The following PFAS variants were observed in gnomAD, a reference collection of about 807,000 sequenced individuals.
PFAS encodes FGAM synthase.
In PFAS, 97 loss-of-function variants were observed where a neutral mutation model predicts 140.6. The observed-to-expected ratio is 0.69, with a 90% CI of 0.59 to 0.82. The LOEUF is 0.82. PFAS is among the 40% of genes least tolerant of loss of function. PFAS has a pLI of 0.00. For synonymous variants in PFAS, 679 were observed against 718.8 expected (o/e 0.94, Z 0.88); for missense variants, 1,656 against 1,780.2 (o/e 0.93, Z 1.26).
In PFAS at chr17:8,266,670, G is replaced by A; in HGVS notation, c.2822-83G>A. On this transcript the variant is annotated intron_variant, in intron 22 of 27. Transcript: ENST00000314666. This position sits in a 1 kb window ranked among gnomAD's most constrained non-coding sequence, Gnocchi z 5.0. ...GCTGCATCCCTCTGACCCTCACCCT[G>A]GCCCTTCCTGCATTTCCCTGATCCC... 6.5e-7 allele frequency: 1 copy of A among 1,532,302 alleles called. No individual in the cohort carries two copies. The allele number at this position is 1,532,302 out of a possible 1,614,324, so 94.9% of individuals were successfully genotyped here. A position where few individuals can be genotyped will look rare whatever the true frequency, so the allele number is the denominator to read the frequency against.
chr17:8,268,712 GC>G lies in PFAS; in HGVS notation c.3565del (p.Arg1189GlyfsTer29). On this transcript the variant is annotated frameshift_variant, in exon 27 of 28. Transcript: ENST00000314666. LOFTEE classifies it high-confidence loss of function. ...AGAGATGGGCCCTGACTCCCAGCCA[GC>G]CCGGCCAGGCCTTCTGCTACGCCAC... ...AAEMGPDSQP[A>X]RPGLLLRHNL... The G allele has an allele frequency of 6.2e-7, 1 of 1,612,984 alleles. No individual in the cohort carries two copies. The highest frequency in any genetic ancestry group is 8.5e-7 in the Non-Finnish European group (1 of 1,179,896).
intron 11 of PFAS, among the ~76,000 whole-genome samples, chr17:8,259,729 A>G (rs1375615848): frequency 6.6e-6 from 1 of 152,198 alleles, no homozygotes; most frequent in Non-Finnish European, 1.5e-5. Flanking sequence ...TCAAGGCTGT[A>G]GTGAGCTATG....
intron 12 of PFAS, 52 bp from the exon 13 acceptor site, chr17:8,263,057 G>A (rs946154183): frequency 3.4e-5 from 55 of 1,608,964 alleles, no homozygotes; most frequent in African/African-American, 9.4e-5. Context: ...ATAGGGGAGC[G>A]TATAGGAGCT....
In PFAS at chr17:8,264,225, A is replaced by G; in HGVS notation, c.1805A>G (p.Asp602Gly). 6.2e-7 allele frequency: 1 copy of G among 1,614,006 alleles called. No homozygotes were observed. Among genetic ancestry groups the G allele is most frequent in the Non-Finnish European group, 8.5e-7 (1 of 1,179,974 alleles). ...ITGDRRIVLV[D>G]DRECPVRRNG... is the part of the protein sequence containing the mutation. The stretch of plus-strand genomic sequence containing the variant: ...TGTGGTCTATAGATAGTGCTGGTGG[A>G]CGATCGGGAGTGTCCTGTCAGAAGA... The change falls in exon 16 of 28, where the codon GAC becomes GGC. Residue 602 changes from aspartate to glycine, a missense_variant. Transcript: ENST00000314666.
intron 1 of PFAS, among the ~76,000 whole-genome samples, chr17:8,251,254 C>G (rs1024068361): frequency 6.6e-6 from 1 of 152,060 alleles, no homozygotes; most frequent in Non-Finnish European, 1.5e-5. Flanking sequence ...CCACTGTACT[C>G]CAGCCTGGCA....
At chr17:8,260,966 A>C (rs1989568152) in intron 11 of PFAS, among the ~76,000 whole-genome samples, 1 of 152,000 alleles carries the variant, frequency 6.6e-6, no homozygotes, top group African/African-American at 2.4e-5. Context: ...AATTTCTCCC[A>C]GGTATATAAC....
rs1010664206 is a variant in PFAS, at chr17:8,264,324, A to G, written c.1904A>G (p.Lys635Arg). ...VDLELEWVLGKMPRKEFFLQR... is the reference protein window; with the variant it reads ...VDLELEWVLGRMPRKEFFLQR... ...CTGGAGCTCGAATGGGTGCTGGGCA[A>G]GATGCCTCGGAAGGTATGTGGGGTT... The change falls in exon 16 of 28, where the codon AAG (lysine) becomes AGG (arginine). Residue 635 changes from lysine to arginine, a missense_variant. By Grantham distance (26) the Lys-to-Arg change is conservative (BLOSUM62 2). Coordinates refer to ENST00000314666, the MANE Select transcript of PFAS (RefSeq NM_012393.3). The G allele has an allele frequency of 3.7e-6, 6 of 1,614,054 alleles. No individual in the cohort carries two copies. The highest frequency in any genetic ancestry group is 3.3e-4 in the Middle Eastern group (2 of 6,062).
chr17:8,264,814 C>T, intron 17 of PFAS, 81 bp from the exon 18 acceptor site: 2 of 1,090,908 alleles, frequency 1.8e-6, no homozygotes, highest in Non-Finnish European at 2.6e-6. Flanking sequence ...CTCCCACTGC[C>T]CTGAGTGCCT....
Position 8,263,090 on chromosome 17 carries a change from A to T in PFAS, c.1411-19A>T. The stretch of plus-strand genomic sequence containing the variant: ...GCTTCCAGTCTCGCTGAGCTGAGCT[A>T]TGCCATATATGCCCCCAGGTGCAGG... On this transcript the variant is annotated intron_variant, in intron 12 of 27. Transcript: ENST00000314666. 1.2e-6 allele frequency: 2 copies of T among 1,613,698 alleles called. No homozygotes were observed. The highest frequency in any genetic ancestry group is 1.7e-6 in the Non-Finnish European group (2 of 1,179,568).
chr17:8,254,526 A>G (rs1208642463), intron 3 of PFAS, among the ~76,000 whole-genome samples: 1 of 152,200 alleles, frequency 6.6e-6, no homozygotes, highest in Non-Finnish European at 1.5e-5. Context: ...AGTTTTGGCC[A>G]GGCGCGGTGG....
chr17:8,254,238 A>T lies in PFAS; in HGVS notation c.215A>T (p.Asp72Val). ...TTTGGTTGCCCCTTACTGCTGGATG[A>T]TGTTGCTCGGGAGTCCTGGCTCCTT... ...WLFGCPLLLD[D>V]VARESWLLPG... is the part of the protein sequence containing the mutation. The change falls in exon 3 of 28, where the codon GAT (aspartate) becomes GTT (valine). Residue 72 changes from aspartate (D) to valine (V), a missense_variant. By Grantham distance (152) the Asp-to-Val change is radical. This residue lies in a region of PFAS where 773 missense variants were observed against 757.3 expected (regional missense o/e 1.02). Transcript: ENST00000314666. 2 of 1,614,038 alleles carry T rather than the reference A, an allele frequency of 1.2e-6. No homozygotes were observed. Among genetic ancestry groups the T allele is most frequent in the African/African-American group, 2.7e-5 (2 of 74,996 alleles).
rs377485199 is a variant in PFAS at position 8,265,818 on chromosome 17, C to T, written c.2546-44C>T. ...GCTGTGAGCCCCTCAGGGATGGGTC[C>T]TCCTGAGCTGTTCCCCTCCCCTCAC... On this transcript the variant is annotated intron_variant, in intron 20 of 27. Transcript: ENST00000314666. The T allele has an allele frequency of 4.7e-5, 71 of 1,522,294 alleles. No homozygotes were observed. In the African/African-American group the frequency reaches 7.8e-4, roughly 17 times the overall value. The allele number at this position is 1,522,294 out of a possible 1,614,324, so 94.3% of individuals were successfully genotyped here.
rs368985563 is a variant in PFAS, at chr17:8,267,510, G to T, written c.3268-41G>T. The T allele has an allele frequency of 9.4e-6, 15 of 1,594,018 alleles. No individual in the cohort carries two copies. In the African/African-American group the frequency reaches 2.0e-4, roughly 21 times the overall value. ...TGGGGGTGATTGTCCAGCCTCAGCT[G>T]CGTGTCCTCCCACCCACACTCCCCC... On this transcript the variant is annotated intron_variant, in intron 25 of 27. Transcript: ENST00000314666. The surrounding 1 kb of genome is among the most constrained non-coding windows in gnomAD (Gnocchi z 4.9).
intron 11 of PFAS, 128 bp downstream of exon 11, chr17:8,258,327 A>G (rs1989458031): frequency 2.0e-6 from 2 of 995,788 alleles, no homozygotes; most frequent in Non-Finnish European, 1.5e-6. Context: ...TATGTGTCAC[A>G]TAATGATGGA....
At position 8,267,463 on chromosome 17, in the gene PFAS, G is replaced by A; in HGVS notation, c.3267G>A (p.Glu1089=). 3 of 1,613,680 alleles carry A rather than the reference G, an allele frequency of 1.9e-6. No homozygotes were observed. Among genetic ancestry groups the A allele is most frequent in the Non-Finnish European group, 2.5e-6 (3 of 1,179,562 alleles). Residue 1089 remains glutamate (E), a splice_region_variant and synonymous_variant, in exon 25 of 28, where the codon GAG becomes GAA. Transcript: ENST00000314666. This position sits in a 1 kb window ranked among gnomAD's most constrained non-coding sequence, Gnocchi z 4.9. ...ATGCCTTCCACTTAGCTGGGTTTGAGGTGAGCAGGGTAGGGGGCAGCTGGG... is the reference window on the plus strand; with the variant it reads ...ATGCCTTCCACTTAGCTGGGTTTGAAGTGAGCAGGGTAGGGGGCAGCTGGG... ...MADAFHLAGF[E]VWDVTMQDLC... is the part of the protein sequence containing the mutation.
chr17:8,248,789 G>C (rs1043749037), upstream of PFAS, among the ~76,000 whole-genome samples: 4 of 152,052 alleles, frequency 2.6e-5, no homozygotes, highest in Non-Finnish European at 4.4e-5. Flanking sequence ...GAACTCCTGG[G>C]CTCAAGCGAT....
Position 8,262,984 on chromosome 17 carries a change from A to G in PFAS, c.1401A>G (p.Ser467=). ...YRIGVGGGAA[S]SVQVQGDNTS... is the part of the protein sequence containing the mutation. ...TTGGAGTTGGAGGTGGAGCTGCTTC[A>G]TCTGTGCAGGTGAGTGGGAATTGCT... Residue 467 remains serine (S), a synonymous_variant, in exon 12 of 28, where the codon TCA becomes TCG. Coordinates refer to ENST00000314666, the MANE Select transcript of PFAS (RefSeq NM_012393.3). 4 of 1,613,930 alleles carry G rather than the reference A, an allele frequency of 2.5e-6. No homozygotes were observed. The African/African-American group carries it at 4.0e-5, about 16-fold the overall frequency.
At position 8,256,332 on chromosome 17, in the gene PFAS, C is replaced by T. The variant is rs1434479415; in HGVS notation, c.746C>T (p.Ser249Leu). ...GTGGATGGGCAGAAGCTGGTGCACTCACTGTTTGAGTCCATCATGAGCACC... is the reference window on the plus strand; with the variant it reads ...GTGGATGGGCAGAAGCTGGTGCACTTACTGTTTGAGTCCATCATGAGCACC... The part of the protein sequence containing the change: ...LHVDGQKLVH[S>L]LFESIMSTQE... The change falls in exon 7 of 28, where the codon TCA becomes TTA. Residue 249 changes from serine (S) to leucine (L), a missense_variant. By Grantham distance (145) the Ser-to-Leu change is moderately radical. Transcript: ENST00000314666. 6.2e-7 allele frequency: 1 copy of T among 1,613,926 alleles called. No homozygotes were observed. The highest frequency in any genetic ancestry group is 2.2e-5 in the East Asian group (1 of 44,886).
upstream of PFAS, chr17:8,248,235 CTT>C: frequency 1.7e-6 from 1 of 590,540 alleles, no homozygotes; most frequent in Non-Finnish European, 3.1e-6. Context: ...ACCCCTGTCT[CTT>C]TTCTCTGATT....
Sources: allele counts gnomAD v4.1 joint callset (sites outside exome capture counted in the v4.1 genomes callset), GRCh38; gene constraint gnomAD v4.1.1; regional missense constraint gnomAD v4.1.1; non-coding constraint Gnocchi (gnomAD v3.1); transcripts MANE v1.5; gene names NCBI Gene and HGNC (gene_info 2026-07-23, HGNC 2026-07-21).